Variants in IREB2 observed in about 807,000 individuals in gnomAD.
IREB2 encodes the protein iron responsive element binding protein 2, also known as iron-responsive element-binding protein 2.
IREB2 carries 39 observed loss-of-function variants against 118.8 expected under a neutral mutation model. The observed-to-expected ratio is 0.33, with a 90% confidence interval of 0.25 to 0.43. The LOEUF (loss-of-function observed/expected upper bound fraction) is 0.43, where lower values mean the gene tolerates loss of function less well. Ranked by LOEUF, IREB2 falls within the 20% of genes least tolerant of loss-of-function variation. The pLI, the probability that IREB2 is intolerant of heterozygous loss-of-function variation, is 1.00. For synonymous variants in IREB2, 372 were observed against 392.2 expected (o/e 0.95, Z 0.61); for missense variants, 900 against 1,147.3 (o/e 0.78, Z 3.11).
intron 6 of IREB2, 149 bp from the exon 7 acceptor site, chr15:78,471,592 G>T (rs1293359592): frequency 8.7e-6 from 4 of 457,162 alleles, no homozygotes; most frequent in Non-Finnish European, 1.5e-5. Context: ...TTCAGTATCT[G>T]TATATTTGTT....
chr15:78,470,074 A>G (rs942891475), intron 5 of IREB2, among the ~76,000 whole-genome samples: 1 of 152,184 alleles, frequency 6.6e-6, no homozygotes, highest in Non-Finnish European at 1.5e-5. Flanking sequence ...ATTTTTGCCA[A>G]AAGCTCTTTT....
At chr15:78,445,136 ATT>A (rs200250924) in intron 2 of IREB2, among the ~76,000 whole-genome samples, 1,236 of 123,346 alleles carry the variant, frequency 0.01, 19 homozygotes, top group East Asian at 0.09. Context: ...TCCAGTCTTT[ATT>A]TTTTTTTTTT....
chr15:78,438,003 C>T (rs895323115), upstream of IREB2, among the ~76,000 whole-genome samples: 16 of 152,234 alleles, frequency 1.1e-4, no homozygotes, highest in African/African-American at 3.9e-4. Context: ...GCTGCGAAGG[C>T]CAAACTAGCC....
At chr15:78,448,336 G>A (rs965833616) in intron 2 of IREB2, among the ~76,000 whole-genome samples, 11 of 151,976 alleles carry the variant, frequency 7.2e-5, no homozygotes, top group Admixed American at 5.9e-4. Context: ...GTAGAGATGC[G>A]GTTTCACCAT....
rs750019721 is a variant in IREB2 at position 78,439,799 on chromosome 15, C to T, written c.24C>T (p.Tyr8=). The T allele has an allele frequency of 8.9e-6, 14 of 1,567,128 alleles. No homozygotes were observed. The highest frequency in any genetic ancestry group is 1.8e-5 in the Admixed American group (1 of 54,646). Residue 8 remains tyrosine (Y), a synonymous_variant, in exon 2 of 22, where the codon TAC becomes TAT. Coordinates refer to ENST00000258886, the MANE Select transcript of IREB2 (RefSeq NM_004136.4). MDAPKAG[Y]AFEYLIETLN... ...AAAATACAATTTTTTTTTCAGGATA[C>T]GCCTTTGAGTACCTTATTGAAACAT... is the stretch of plus-strand genomic sequence containing the variant.
At chr15:78,475,189 T>C (rs2051449024) in intron 8 of IREB2, 1 of 152,054 alleles carries the variant, frequency 6.6e-6, no homozygotes. Context: ...TGTTAGGGCT[T>C]AATATTATTC....
At position 78,485,829 on chromosome 15, in the gene IREB2, A is replaced by G. The variant is rs1372026750; in HGVS notation, c.1698A>G (p.Leu566=). 1.2e-6 allele frequency: 2 copies of G among 1,613,500 alleles called. No individual in the cohort carries two copies. Among genetic ancestry groups the G allele is most frequent in the African/African-American group, 1.3e-5 (1 of 75,024 alleles). Residue 566 remains leucine (L), a synonymous_variant, in exon 13 of 22, where the codon CTA becomes CTG. Transcript: ENST00000258886. ...GTTCAAGTGGAGTATTACCATATCTAAGTAAGCTTGGGTAAGTAACAGCTA... is the reference window on the plus strand; with the variant it reads ...GTTCAAGTGGAGTATTACCATATCTGAGTAAGCTTGGGTAAGTAACAGCTA... ...YLSSSGVLPY[L]SKLGFEIVGY... is the part of the protein sequence containing the mutation.
At position 78,438,260 on chromosome 15, in the gene IREB2, C is replaced by A; in HGVS notation, c.-78C>A. ...CTCCCTTGCCAGTCCGCCTGTCTTC[C>A]TCCCCGTCTTCCCTGCCCGGCCTCC... On this transcript the variant is annotated 5_prime_UTR_variant, in exon 1 of 22. Transcript: ENST00000258886. 8.8e-7 allele frequency: 1 copy of A among 1,141,276 alleles called. No homozygotes were observed. The highest frequency in any genetic ancestry group is 1.3e-6 in the Non-Finnish European group (1 of 771,296). The allele number at this position is 1,141,276 out of a possible 1,614,324, so 70.7% of individuals were successfully genotyped here.
chr15:78,490,943 T>C (rs1250565135), intron 18 of IREB2, among the ~76,000 whole-genome samples, 182 bp downstream of exon 18: 2 of 152,120 alleles, frequency 1.3e-5, no homozygotes, highest in African/African-American at 4.8e-5. Flanking sequence ...GGGTACCTTC[T>C]GTACTTGTCT....
intron 8 of IREB2, chr15:78,473,589 AT>A (rs1392174663): frequency 1.9e-6 from 1 of 524,532 alleles, no homozygotes; most frequent in Admixed American, 3.5e-5. Context: ...GTGTTCACTT[AT>A]GTTAGCTCAT....
chr15:78,473,125 G>T (rs2051407300), intron 7 of IREB2, 117 bp from the exon 8 acceptor site: 1 of 921,890 alleles, frequency 1.1e-6, no homozygotes, highest in South Asian at 1.8e-5. Context: ...TAGCAATATA[G>T]CAACTCTGCA....
At position 78,461,480 on chromosome 15, in the gene IREB2, T is replaced by TA. The variant is rs545433873; in HGVS notation, c.107-1434dup. On this transcript the variant is annotated intron_variant, in intron 2 of 21. Coordinates refer to ENST00000258886, the MANE Select transcript of IREB2 (RefSeq NM_004136.4). Reference sequence around the variant, plus strand: ...ACCACTCCCAGAAGACAGGCCTTCCTAAAAAAAAGGATGTTTAAAAACGGA... The same window carrying TA: ...ACCACTCCCAGAAGACAGGCCTTCCTAAAAAAAAAGGATGTTTAAAAACGGA... 1.4e-4 allele frequency among the ~76,000 whole-genome samples: 21 copies of TA among 152,010 alleles called. 1 individual carries two copies. In the South Asian group the frequency reaches 4.2e-3, roughly 30 times the overall value.
At chr15:78,473,552 G>A in intron 8 of IREB2, 171 bp downstream of exon 8, 2 of 583,004 alleles carry the variant, frequency 3.4e-6, no homozygotes, top group Non-Finnish European at 6.0e-6. Flanking sequence ...CATTTAGTTT[G>A]TACTAATAAA....
At chr15:78,476,486 C>T (rs2051473515) in intron 9 of IREB2, 127 bp downstream of exon 9, 1 of 651,758 alleles carries the variant, frequency 1.5e-6, no homozygotes, top group Admixed American at 3.1e-5. Context: ...GAAACAACAA[C>T]TTTCAAGCAA....
rs900762751 is a variant in IREB2 at position 78,499,100 on chromosome 15, A to G, written c.*957A>G. On this transcript the variant is annotated 3_prime_UTR_variant, in exon 22 of 22. Transcript: ENST00000258886. ...CTCAATAATACGGGTGCTCAACCCT[A>G]TGCATTTTTTAAGTGTTGCTATTTC... is the stretch of plus-strand genomic sequence containing the variant. 2 of 152,180 alleles carry G rather than the reference A, an allele frequency of 1.3e-5. No individual in the cohort carries two copies. The highest frequency in any genetic ancestry group is 2.9e-5 in the Non-Finnish European group (2 of 68,030). The allele number at this position is 152,180 out of a possible 1,614,324, so 9.4% of individuals were successfully genotyped here.
intron 16 of IREB2, 72 bp from the exon 17 acceptor site, chr15:78,490,350 C>G: frequency 2.2e-6 from 2 of 922,238 alleles, no homozygotes; most frequent in South Asian, 3.3e-5. Context: ...TTCCCTTGAT[C>G]ATTTTCATGC....
At chr15:78,458,430 T>G (rs2141468922) in intron 2 of IREB2, among the ~76,000 whole-genome samples, 1 of 152,206 alleles carries the variant, frequency 6.6e-6, no homozygotes, top group South Asian at 2.1e-4. Flanking sequence ...TCCTCTCAGT[T>G]TTGCTGTGAA....
rs1442179502 is a variant in IREB2 at position 78,463,051 on chromosome 15, C to T, written c.236C>T (p.Pro79Leu). 5.0e-6 allele frequency: 8 copies of T among 1,607,030 alleles called. No homozygotes were observed. The highest frequency in any genetic ancestry group is 5.9e-6 in the Non-Finnish European group (7 of 1,178,130). ...ACCAAACAAAGCAATGTTGAAGTGC[C>T]CTTTTTCCCTGCCCGTGTTCTTCTT... is the stretch of plus-strand genomic sequence containing the variant. Reference protein sequence around the residue: ...WKTKQSNVEVPFFPARVLLQD... With the variant: ...WKTKQSNVEVLFFPARVLLQD... Residue 79 changes from proline (P) to leucine (L), a missense_variant, in exon 3 of 22, where the codon CCC (proline) becomes CTC (leucine). Transcript: ENST00000258886.
chr15:78,476,467 C>T (rs1292886324), intron 9 of IREB2, 108 bp downstream of exon 9: 14 of 791,146 alleles, frequency 1.8e-5, no homozygotes, highest in Non-Finnish European at 2.4e-5. Flanking sequence ...CACAAAATTA[C>T]ATTATGTTGA....
Sources: allele counts gnomAD v4.1 joint callset (sites outside exome capture counted in the v4.1 genomes callset), GRCh38; gene constraint gnomAD v4.1.1; transcripts MANE v1.5; gene names NCBI Gene and HGNC (gene_info 2026-07-23, HGNC 2026-07-21).